The following TRPM3 variants were observed in gnomAD, a reference collection of about 807,000 sequenced individuals.
TRPM3 encodes transient receptor potential cation channel subfamily M member 3, also known as long transient receptor potential channel 3.
A neutral mutation model predicts 181.2 loss-of-function variants in TRPM3; 77 were observed. That is an observed-to-expected ratio of 0.42 (90% CI 0.35 to 0.51). TRPM3 has a LOEUF of 0.51. TRPM3 is among the 20% of genes least tolerant of loss of function. TRPM3 has a pLI of 0.01. For synonymous variants in TRPM3, 745 were observed against 796.4 expected, an observed-to-expected ratio of 0.94 and a Z score of 1.09; for missense variants, 1,759 against 2,196.7, an observed-to-expected ratio of 0.80 and a Z score of 3.98.
intron 1 of TRPM3, among the ~76,000 whole-genome samples, chr9:71,246,521 G>A (rs2082042491): frequency 6.6e-6 from 1 of 152,134 alleles, no homozygotes; most frequent in South Asian, 2.1e-4. Context: ...ATATAAAATG[G>A]ATTGAGACTT....
chr9:70,819,156 C>T (rs770609427), intron 6 of TRPM3, among the ~76,000 whole-genome samples: 2 of 152,134 alleles, frequency 1.3e-5, no homozygotes, highest in Non-Finnish European at 2.9e-5. Flanking sequence ...GTATCTGGGC[C>T]AGGCGACTCT....
chr9:71,254,202 G>A (rs1454778846), intron 1 of TRPM3, among the ~76,000 whole-genome samples: 1 of 152,182 alleles, frequency 6.6e-6, no homozygotes, highest in Non-Finnish European at 1.5e-5. Flanking sequence ...ACAGGCAAGA[G>A]CCACTGCGCC....
At chr9:71,420,799 GAAAGAGAGAA>G (rs1565557498) in intron 1 of TRPM3, among the ~76,000 whole-genome samples, 12 of 2,058 alleles carry the variant, frequency 5.8e-3, no homozygotes, top group South Asian at 0.056. Flanking sequence ...GAGAGAGAAA[GAAAGAGAGAA>G]AGAAAGAGAG....
chr9:71,191,923 A>C (rs149263666), intron 1 of TRPM3, among the ~76,000 whole-genome samples: 1 of 151,732 alleles, frequency 6.6e-6, no homozygotes, highest in Non-Finnish European at 1.5e-5. Context: ...CTGGAGAGTG[A>C]ATGGGGAGGT....
chr9:70,945,711 G>A (rs956280466), intron 1 of TRPM3, among the ~76,000 whole-genome samples: 2 of 152,116 alleles, frequency 1.3e-5, no homozygotes, highest in Non-Finnish European at 2.9e-5. Context: ...TACTTTGGTG[G>A]AATAATATTA....
intron 1 of TRPM3, among the ~76,000 whole-genome samples, chr9:71,426,514 A>G (rs1007436073): frequency 6.6e-6 from 1 of 152,114 alleles, no homozygotes; most frequent in African/African-American, 2.4e-5. Flanking sequence ...TCTAACTCCA[A>G]TCTTCTGAAA....
At position 71,390,662 on chromosome 9, in the gene TRPM3, C is replaced by T. The variant is rs538081220; in HGVS notation, c.183+55991G>A. Reference sequence around the variant, plus strand: ...TTGTCTATAAATGTATGAATTAAAACTGTCAATCATTGATTCTCAAGTACT... The same window carrying T: ...TTGTCTATAAATGTATGAATTAAAATTGTCAATCATTGATTCTCAAGTACT... On this transcript the variant is annotated intron_variant, in intron 1 of 24. Coordinates refer to the TRPM3 transcript ENST00000357533. 7.9e-5 allele frequency among the ~76,000 whole-genome samples: 12 copies of T among 152,090 alleles called. No individual in the cohort carries two copies. The South Asian group carries it at 1.9e-3, about 24-fold the overall frequency.
At chr9:71,433,745 C>G (rs1356108145) in intron 1 of TRPM3, among the ~76,000 whole-genome samples, 1 of 152,218 alleles carries the variant, frequency 6.6e-6, no homozygotes, top group Non-Finnish European at 1.5e-5. Flanking sequence ...TTATATCTCT[C>G]TGACTTTTGA....
At chr9:71,035,562 C>A (rs1565035291) in intron 1 of TRPM3, among the ~76,000 whole-genome samples, 1 of 151,966 alleles carries the variant, frequency 6.6e-6, no homozygotes, top group Non-Finnish European at 1.5e-5. Flanking sequence ...GCTAAAAATA[C>A]AAAAATTAGC....
chr9:70,549,672 G>T lies in TRPM3; in HGVS notation c.3577C>A (p.Leu1193Ile), dbSNP rs1311870698. Residue 1193 changes from leucine to isoleucine, a missense_variant and splice_region_variant, in exon 25 of 26, where the codon CTC (leucine) becomes ATC (isoleucine). This residue lies in a region of TRPM3 where 96 missense variants were observed against 129.6 expected (regional missense o/e 0.74). Transcript: ENST00000677713. ...DPDERDYGLKLFITDDELKKV... is the reference protein window; with the variant it reads ...DPDERDYGLKIFITDDELKKV... ...TTGAGCTCATCATCGGTTATGAAGA[G>T]TTCTGTGGAAAAAAAAAAAAAGGAA... is the stretch of plus-strand genomic sequence containing the variant. 6.4e-7 allele frequency: 1 copy of T among 1,574,678 alleles called. No individual in the cohort carries two copies.
chr9:71,118,091 A>C (rs532680725), intron 1 of TRPM3, among the ~76,000 whole-genome samples: 2 of 152,340 alleles, frequency 1.3e-5, no homozygotes, highest in South Asian at 4.1e-4. Flanking sequence ...CTTGAAACAC[A>C]TAAGAATAAA....
chr9:71,419,683 A>G (rs1267123280), intron 1 of TRPM3, among the ~76,000 whole-genome samples: 1 of 152,018 alleles, frequency 6.6e-6, no homozygotes, highest in Non-Finnish European at 1.5e-5. Flanking sequence ...TGTACTTAAT[A>G]CAACTTAACT....
chr9:70,882,897 G>C (rs568807058), intron 1 of TRPM3, among the ~76,000 whole-genome samples: 2 of 152,102 alleles, frequency 1.3e-5, no homozygotes. Context: ...AAAGAATAAA[G>C]GATAATGAAG....
chr9:71,365,756 A>G (rs1206759593), intron 1 of TRPM3, among the ~76,000 whole-genome samples: 1 of 152,144 alleles, frequency 6.6e-6, no homozygotes, highest in African/African-American at 2.4e-5. Flanking sequence ...ATCATTATTT[A>G]ACTTCTAAGC....
chr9:71,122,208 G>A (rs1391980053), upstream of TRPM3, among the ~76,000 whole-genome samples: 1 of 152,210 alleles, frequency 6.6e-6, no homozygotes, highest in African/African-American at 2.4e-5. Context: ...TGTCTATAAA[G>A]AATGGATTTT....
chr9:71,315,607 T>G (rs1316371376), intron 1 of TRPM3, among the ~76,000 whole-genome samples: 1 of 152,182 alleles, frequency 6.6e-6, no homozygotes, highest in African/African-American at 2.4e-5. Flanking sequence ...TAGATTCACA[T>G]GAATATTCAT....
rs533303231 is a variant in TRPM3 at position 71,196,033 on chromosome 9, C to T, written c.183+250620G>A. Among the ~76,000 whole-genome samples, 18 of 151,918 alleles carry T rather than the reference C, an allele frequency of 1.2e-4. No homozygotes were observed. In the South Asian group the frequency reaches 2.1e-3, roughly 18 times the overall value. On this transcript the variant is annotated intron_variant, in intron 1 of 24. Coordinates refer to the TRPM3 transcript ENST00000357533. ...AGTATTGGGTACTACGCTTAGTACC[C>T]GGGTGACGAAATAATCTTTACATCA...
At chr9:70,659,195 G>T (rs1366861522) in intron 9 of TRPM3, among the ~76,000 whole-genome samples, 2 of 152,232 alleles carry the variant, frequency 1.3e-5, no homozygotes, top group Admixed American at 1.3e-4. Flanking sequence ...GACTGGAATG[G>T]TGTGCTTTCC....
chr9:70,577,112 T>C (rs1287702535), intron 22 of TRPM3, among the ~76,000 whole-genome samples: 5 of 152,216 alleles, frequency 3.3e-5, no homozygotes, highest in Non-Finnish European at 5.9e-5. Flanking sequence ...CCCCAAAGTA[T>C]GCTGTTTATT....
Sources: gnomAD v4.1 joint callset for allele counts (sites outside exome capture counted in the v4.1 genomes callset) on GRCh38, gnomAD v4.1.1 for gene constraint, gnomAD v4.1.1 regional missense constraint, MANE v1.5 for transcripts, NCBI Gene and HGNC (gene_info 2026-07-23, HGNC 2026-07-21) for gene names.